The following NCR1 variants were observed in gnomAD, a reference collection of about 807,000 sequenced individuals.
The protein encoded by NCR1 is NK cell-activating receptor.
Under a neutral mutation model 32.5 loss-of-function variants are expected in NCR1, and 30 were observed. That is an observed-to-expected ratio of 0.92 (90% CI 0.69 to 1.25). NCR1 has a LOEUF of 1.25. NCR1 is among the 50% of genes most tolerant of loss of function. The pLI is 0.00. For synonymous variants in NCR1, 169 were observed against 143.4 expected (o/e 1.18, Z -1.28); for missense variants, 369 against 380.7 (o/e 0.97, Z 0.26).
intron 5 of NCR1, among the ~76,000 whole-genome samples, chr19:54,911,460 A>C (rs1008703511): frequency 6.6e-6 from 1 of 152,144 alleles, no homozygotes; most frequent in African/African-American, 2.4e-5. Context: ...TGAGGCTTAA[A>C]TAGAAGACGG....
the NCR1 span, among the ~76,000 whole-genome samples, chr19:54,901,050 C>T: frequency 2.8e-5 from 4 of 144,112 alleles, no homozygotes; most frequent in Non-Finnish European, 4.5e-5. Context: ...TTTGGGAGGC[C>T]GAGAAGGGCG....
downstream of NCR1, among the ~76,000 whole-genome samples, chr19:54,917,311 C>CA (rs113522104): frequency 0.24 from 35,437 of 146,760 alleles, 4,782 homozygotes; most frequent in East Asian, 0.59. Context: ...TGTGACTCCT[C>CA]AAAAAAAAAC....
the NCR1 span, chr19:54,927,755 A>C: frequency 6.2e-7 from 1 of 1,613,990 alleles, no homozygotes; most frequent in Non-Finnish European, 8.5e-7. Context: ...ATAGAAAGGC[A>C]TGAGGGAGCA....
At chr19:54,911,868 C>T (rs1015671235) in intron 5 of NCR1, among the ~76,000 whole-genome samples, 6 of 151,842 alleles carry the variant, frequency 4.0e-5, no homozygotes, top group African/African-American at 1.2e-4. Context: ...GTGGTGTGTG[C>T]CTGTAGTCCC....
upstream of NCR1, among the ~76,000 whole-genome samples, chr19:54,902,963 C>G (rs1423464029): frequency 2.0e-5 from 3 of 151,990 alleles, no homozygotes; most frequent in Admixed American, 2.0e-4. Flanking sequence ...AACCCTGTCT[C>G]TACTAAAAAT....
the NCR1 span, chr19:54,934,682 C>T: frequency 6.2e-7 from 1 of 1,601,924 alleles, no homozygotes; most frequent in Non-Finnish European, 8.5e-7. This position sits in a 1 kb window ranked among gnomAD's most constrained non-coding sequence, Gnocchi z 6.7. Context: ...TGGGAAAAGT[C>T]ATTCTTCTGG....
chr19:54,899,554 G>A, the NCR1 span, among the ~76,000 whole-genome samples: 5,025 of 152,024 alleles, frequency 0.033, 101 homozygotes, highest in African/African-American at 0.055. Context: ...GGATCGGGGT[G>A]CAGAGATAAG....
intron 4 of NCR1, 26 bp downstream of exon 4, chr19:54,909,549 C>T: frequency 6.3e-7 from 1 of 1,587,068 alleles, no homozygotes; most frequent in South Asian, 1.1e-5. Flanking sequence ...ATTCCCCACA[C>T]CCTTCGCCGC....
chr19:54,908,033 G>C (rs1362189609), intron 3 of NCR1, among the ~76,000 whole-genome samples: 1 of 151,788 alleles, frequency 6.6e-6, no homozygotes, highest in East Asian at 1.9e-4. Flanking sequence ...GTGTTTCTCG[G>C]AGAGGGGGAT....
chr19:54,926,602 A>C, the NCR1 span, among the ~76,000 whole-genome samples: 1 of 151,982 alleles, frequency 6.6e-6, no homozygotes, highest in Non-Finnish European at 1.5e-5. Context: ...CAACATGGTG[A>C]AACCCCATCT....
the NCR1 span, among the ~76,000 whole-genome samples, chr19:54,933,140 T>G: frequency 1.4e-5 from 2 of 143,358 alleles, no homozygotes; most frequent in Admixed American, 6.7e-5. Flanking sequence ...ATCTGCCTGG[T>G]TTTTTTTGTT....
At chr19:54,906,998 A>G (rs2067665436) in intron 3 of NCR1, among the ~76,000 whole-genome samples, 191 bp downstream of exon 3, 1 of 152,198 alleles carries the variant, frequency 6.6e-6, no homozygotes, top group African/African-American at 2.4e-5. Flanking sequence ...TCCTAGGAGC[A>G]GATGTGTCCT....
chr19:54,906,681 C>G lies in NCR1; in HGVS notation c.229C>G (p.Arg77Gly), dbSNP rs142746677. The G allele has an allele frequency of 1.6e-5, 26 of 1,614,088 alleles. No homozygotes were observed. The highest frequency in any genetic ancestry group is 2.1e-5 in the Non-Finnish European group (25 of 1,180,054). The change falls in exon 3 of 7, where the codon CGG becomes GGG. Residue 77 changes from arginine to glycine, a missense_variant. Coordinates refer to ENST00000291890, the MANE Select transcript of NCR1 (RefSeq NM_004829.7). ...FAVDRPKPPE[R>G]INKVQFYIPD... ...CGTGGACAGACCAAAACCCCCTGAG[C>G]GGATTAACAAAGTCCAATTCTACAT...
chr19:54,931,768 T>A, the NCR1 span, among the ~76,000 whole-genome samples: 2 of 151,848 alleles, frequency 1.3e-5, no homozygotes, highest in Non-Finnish European at 2.9e-5. Context: ...GAGAATTACT[T>A]GAACCCAGGA....
chr19:54,912,155 C>T lies in NCR1; in HGVS notation c.683-13C>T. The T allele has an allele frequency of 6.2e-7, 1 of 1,612,956 alleles. No individual in the cohort carries two copies. Among genetic ancestry groups the T allele is most frequent in the Non-Finnish European group, 8.5e-7 (1 of 1,179,140 alleles). On this transcript the variant is annotated splice_polypyrimidine_tract_variant and intron_variant, in intron 5 of 6. Transcript: ENST00000291890. ...CAAAACCATCCTCTTTTCTTCACTTCCCTTATCATCAGCAGACACTTGGGG... is the reference window on the plus strand; with the variant it reads ...CAAAACCATCCTCTTTTCTTCACTTTCCTTATCATCAGCAGACACTTGGGG...
At chr19:54,910,575 GAAAAAC>G (rs2067920261) in intron 5 of NCR1, among the ~76,000 whole-genome samples, 1 of 149,392 alleles carries the variant, frequency 6.7e-6, no homozygotes, top group South Asian at 2.1e-4. Flanking sequence ...CCATCTCACA[GAAAAAC>G]AAAAACAAAA....
rs2146071304 is a variant in NCR1, at chr19:54,910,003, T to C, written c.635-15T>C. 6.2e-7 allele frequency: 1 copy of C among 1,611,638 alleles called. No homozygotes were observed. Among genetic ancestry groups the C allele is most frequent in the East Asian group, 2.2e-5 (1 of 44,846 alleles). ...CCAAAAACCCTTACTTTTTTTTCTT[T>C]ATCTCCTTTTCCAGGCGACATTGAG... On this transcript the variant is annotated splice_polypyrimidine_tract_variant and intron_variant, in intron 4 of 6. Coordinates refer to ENST00000291890, the MANE Select transcript of NCR1 (RefSeq NM_004829.7).
the NCR1 span, chr19:54,923,714 T>C: frequency 6.2e-7 from 1 of 1,612,088 alleles, no homozygotes; most frequent in South Asian, 1.1e-5. Flanking sequence ...GCTTCCTGTG[T>C]AATTCGTAGA....
chr19:54,937,237 GA>G, the NCR1 span, among the ~76,000 whole-genome samples: 1 of 149,112 alleles, frequency 6.7e-6, no homozygotes, highest in African/African-American at 2.5e-5. Flanking sequence ...AAAAAGTCAA[GA>G]AGCAGAGGAT....
Sources: gnomAD v4.1 joint callset for allele counts (sites outside exome capture counted in the v4.1 genomes callset) on GRCh38, gnomAD v4.1.1 for gene constraint, Gnocchi (gnomAD v3.1) non-coding constraint, MANE v1.5 for transcripts, NCBI Gene and HGNC (gene_info 2026-07-23, HGNC 2026-07-21) for gene names.